ECE1: variants seen among roughly 807,000 people sequenced by gnomAD.
ECE1 encodes the protein endothelin converting enzyme 1.
Under a neutral mutation model 98.6 loss-of-function variants are expected in ECE1, and 35 were observed. The ratio of observed to expected loss-of-function variants is 0.35; its 90% confidence interval spans 0.27 to 0.47. The LOEUF (loss-of-function observed/expected upper bound fraction) is 0.47, where lower values mean the gene tolerates loss of function less well. ECE1 is among the 20% of genes least tolerant of loss of function. The pLI is 1.00. For missense variants in ECE1, 814 were observed against 1,025.3 expected (o/e 0.79, Z 2.81); for synonymous variants, 394 against 407.1 (o/e 0.97, Z 0.39).
chr1:21,221,421 C>G (rs940205509), intron 18 of ECE1, among the ~76,000 whole-genome samples: 1 of 152,164 alleles, frequency 6.6e-6, no homozygotes, highest in Admixed American at 6.5e-5. Flanking sequence ...ATCCACTTGC[C>G]TCGGCCGCCC....
chr1:21,247,902 C>T (rs1034818434), intron 8 of ECE1, among the ~76,000 whole-genome samples: 4 of 152,148 alleles, frequency 2.6e-5, no homozygotes, highest in African/African-American at 9.7e-5. Context: ...TGGGGATCAC[C>T]ATAATAACAG....
intron 5 of ECE1, among the ~76,000 whole-genome samples, chr1:21,259,787 T>C (rs1028626149): frequency 1.3e-5 from 2 of 152,162 alleles, no homozygotes. Flanking sequence ...TGTCTTCCCC[T>C]GCTCAGGAGT....
intron 1 of ECE1, among the ~76,000 whole-genome samples, chr1:21,342,990 G>A (rs1476976897): frequency 1.3e-5 from 2 of 152,074 alleles, no homozygotes; most frequent in South Asian, 4.1e-4. Context: ...TCATAGCCAG[G>A]TGCCAGACCA....
intron 3 of ECE1, among the ~76,000 whole-genome samples, chr1:21,275,075 T>C (rs2098244953): frequency 6.6e-6 from 1 of 152,182 alleles, no homozygotes; most frequent in Non-Finnish European, 1.5e-5. Context: ...TACCTATTGT[T>C]TTCACACATC....
chr1:21,227,055 G>T, intron 16 of ECE1, 104 bp downstream of exon 16: 1 of 1,136,008 alleles, frequency 8.8e-7, no homozygotes, highest in Non-Finnish European at 1.3e-6. Context: ...TGGAGGTCTT[G>T]CTATGTTGCC....
At chr1:21,294,485 C>T (rs1041593493), upstream of ECE1, 1 of 152,504 alleles carries the variant, frequency 6.6e-6, no homozygotes, top group Admixed American at 6.5e-5. This position sits in a 1 kb window ranked among gnomAD's most constrained non-coding sequence, Gnocchi z 4.2. Flanking sequence ...GGAACCACAG[C>T]TCCCTGTGGA....
Position 21,219,581 on chromosome 1 carries a change from C to A in ECE1, c.*374G>T. The A allele has an allele frequency of 8.9e-6, 2 of 225,506 alleles. No individual in the cohort carries two copies. Among genetic ancestry groups the A allele is most frequent in the East Asian group, 9.8e-5 (1 of 10,242 alleles). 14.0% of individuals were successfully genotyped at this position (225,506 alleles called of 1,614,324 possible). A position where few individuals can be genotyped will look rare whatever the true frequency, so the allele number is the denominator to read the frequency against. On this transcript the variant is annotated 3_prime_UTR_variant, in exon 19 of 19. Coordinates refer to ENST00000374893, the MANE Select transcript of ECE1 (RefSeq NM_001397.3). The surrounding 1 kb of genome is among the most constrained non-coding windows in gnomAD (Gnocchi z 4.5). ...AAATGTGTTTTTCCCTGAAGATTTC[C>A]AGTGTATTCCACAGTGTTTAAAAAA...
In ECE1 at chr1:21,260,191, C is replaced by A; in HGVS notation, c.615+80G>T. On this transcript the variant is annotated intron_variant, in intron 5 of 18. Coordinates refer to ENST00000374893, the MANE Select transcript of ECE1 (RefSeq NM_001397.3). The surrounding 1 kb of genome is among the most constrained non-coding windows in gnomAD (Gnocchi z 4.3). The stretch of plus-strand genomic sequence containing the variant: ...GGACGTATGAGGTGGGCCAGTGGTA[C>A]CAGAAGGCTGGAGTGGAAGCCAGGG... The A allele has an allele frequency of 2.5e-6, 4 of 1,604,822 alleles. No homozygotes were observed. Among genetic ancestry groups the A allele is most frequent in the Non-Finnish European group, 2.6e-6 (3 of 1,172,122 alleles).
chr1:21,242,026 C>T (rs1373054505), intron 10 of ECE1, among the ~76,000 whole-genome samples: 1 of 152,114 alleles, frequency 6.6e-6, no homozygotes, highest in East Asian at 1.9e-4. Context: ...GGGTTCCTTC[C>T]TCCCTGCTGG....
intron 10 of ECE1, among the ~76,000 whole-genome samples, chr1:21,242,010 A>C (rs1424594082): frequency 2.6e-5 from 4 of 152,146 alleles, no homozygotes; most frequent in African/African-American, 9.7e-5. Flanking sequence ...AGGAGCACTC[A>C]GCAAGGGGTT....
chr1:21,253,522 G>A (rs1050704215), intron 8 of ECE1, among the ~76,000 whole-genome samples: 1 of 151,584 alleles, frequency 6.6e-6, no homozygotes, highest in African/African-American at 2.4e-5. Context: ...CAACACTCTG[G>A]GAGGCCGAGG....
At chr1:21,259,030 G>A (rs542482357) in intron 5 of ECE1, among the ~76,000 whole-genome samples, 191 bp from the exon 6 acceptor site, 30 of 152,274 alleles carry the variant, frequency 2.0e-4, no homozygotes, top group African/African-American at 7.2e-4. Context: ...CATGGATGGA[G>A]CAAAGGCTTA....
chr1:21,234,101 CTCAGCCTCCCAGAGTAGCTGGGA>C (rs1573941541), intron 13 of ECE1, among the ~76,000 whole-genome samples: 1 of 151,898 alleles, frequency 6.6e-6, no homozygotes, highest in East Asian at 1.9e-4. Flanking sequence ...ATTCTCGTGC[CTCAGCCTCCCAGAGTAGCTGGGA>C]TTACAGGCGC....
intron 8 of ECE1, among the ~76,000 whole-genome samples, chr1:21,249,718 A>G (rs2098209715): frequency 6.6e-6 from 1 of 152,134 alleles, no homozygotes; most frequent in South Asian, 2.1e-4. Context: ...CATTCAGTCC[A>G]TTCACACTGC....
chr1:21,297,698 G>A (rs879740651), intron 1 of ECE1, among the ~76,000 whole-genome samples: 164 of 148,364 alleles, frequency 1.1e-3, no homozygotes, highest in Non-Finnish European at 1.0e-3. Flanking sequence ...CACCATGCCC[G>A]GCTAATTTTT....
At chr1:21,298,994 T>C in intron 1 of ECE1, 1 of 408,938 alleles carries the variant, frequency 2.4e-6, no homozygotes. Context: ...TCCTGTGTGA[T>C]GTCCTGGACT....
chr1:21,310,801 C>T (rs535049978), intron 1 of ECE1, among the ~76,000 whole-genome samples: 12 of 152,212 alleles, frequency 7.9e-5, no homozygotes, highest in East Asian at 3.9e-4. Flanking sequence ...CTACTTTTGA[C>T]GAACGAAGAA....
intron 2 of ECE1, among the ~76,000 whole-genome samples, chr1:21,283,240 C>T (rs976076595): frequency 8.6e-5 from 13 of 151,582 alleles, no homozygotes; most frequent in Non-Finnish European, 1.5e-4. Context: ...CCACAGCGCC[C>T]GGCCCATAAC....
intron 4 of ECE1, among the ~76,000 whole-genome samples, chr1:21,262,048 C>T (rs2098227682): frequency 1.3e-5 from 2 of 152,188 alleles, no homozygotes; most frequent in Non-Finnish European, 2.9e-5. Context: ...GCCCCCCGAT[C>T]CTCACCATAA....
Sources: gnomAD v4.1 joint callset for allele counts (sites outside exome capture counted in the v4.1 genomes callset) on GRCh38, gnomAD v4.1.1 for gene constraint, Gnocchi (gnomAD v3.1) non-coding constraint, MANE v1.5 for transcripts, NCBI Gene and HGNC (gene_info 2026-07-23, HGNC 2026-07-21) for gene names.